Variants in NDRG2 observed in about 807,000 individuals in gnomAD.
NDRG2 encodes the protein protein NDRG2.
NDRG2 carries 34 observed loss-of-function variants against 58.2 expected under a neutral mutation model. The observed-to-expected ratio is 0.58, with a 90% CI of 0.44 to 0.78. The LOEUF (loss-of-function observed/expected upper bound fraction) is 0.78, where lower values mean the gene tolerates loss of function less well. Ranked by LOEUF, NDRG2 falls within the 30% of genes least tolerant of loss-of-function variation. The pLI is 0.00. For missense variants in NDRG2, 434 were observed against 471.2 expected, an observed-to-expected ratio of 0.92 and a Z score of 0.73; for synonymous variants, 187 against 175.9, an observed-to-expected ratio of 1.06 and a Z score of -0.50.
intron 1 of NDRG2, among the ~76,000 whole-genome samples, chr14:21,039,636 G>A (rs918261949): frequency 6.6e-6 from 1 of 152,184 alleles, no homozygotes; most frequent in Non-Finnish European, 1.5e-5. Context: ...GATAATTTGG[G>A]CACACAAACA....
At chr14:21,055,597 G>A (rs189125915) in intron 1 of NDRG2, among the ~76,000 whole-genome samples, 2 of 152,300 alleles carry the variant, frequency 1.3e-5, no homozygotes, top group African/African-American at 4.8e-5. Flanking sequence ...CCAGCTGCAT[G>A]GGCCAGTACC....
At chr14:21,064,980 G>A (rs1191572608) in intron 1 of NDRG2, among the ~76,000 whole-genome samples, 1 of 152,162 alleles carries the variant, frequency 6.6e-6, no homozygotes. Context: ...AGACCAGCCT[G>A]AGCAACATGC....
intron 1 of NDRG2, among the ~76,000 whole-genome samples, chr14:21,065,671 C>G (rs1886226142): frequency 1.3e-5 from 2 of 152,156 alleles, no homozygotes; most frequent in South Asian, 4.1e-4. Flanking sequence ...GACTGTAACA[C>G]TTTAGTTAAG....
intron 1 of NDRG2, chr14:21,032,267 G>A (rs1754340): frequency 0.45 from 308,013 of 686,476 alleles, 72,387 homozygotes; most frequent in East Asian, 0.68. Flanking sequence ...CACACCCTTC[G>A]CTCTGCTTAG....
chr14:21,054,064 C>A (rs571820764), intron 1 of NDRG2, among the ~76,000 whole-genome samples: 1 of 152,136 alleles, frequency 6.6e-6, no homozygotes, highest in South Asian at 2.1e-4. Flanking sequence ...GACCAGAAAC[C>A]CCATATAAAA....
At chr14:21,056,430 T>C (rs914065594) in intron 1 of NDRG2, among the ~76,000 whole-genome samples, 1 of 152,144 alleles carries the variant, frequency 6.6e-6, no homozygotes, top group Non-Finnish European at 1.5e-5. Flanking sequence ...AAAATAAATG[T>C]AATGAATATC....
At chr14:21,056,495 G>A (rs1178557698) in intron 1 of NDRG2, among the ~76,000 whole-genome samples, 1 of 152,212 alleles carries the variant, frequency 6.6e-6, no homozygotes, top group African/African-American at 2.4e-5. Context: ...AACTCAGCCT[G>A]AGGCCTGTTG....
At chr14:21,023,412 G>T in intron 1 of NDRG2, 91 bp from the exon 2 acceptor site, 1 of 1,201,454 alleles carries the variant, frequency 8.3e-7, no homozygotes, top group Non-Finnish European at 1.2e-6. Context: ...ACAGGAAGAT[G>T]CAGGGAACAG....
At chr14:21,066,569 C>T (rs4981354) in intron 1 of NDRG2, among the ~76,000 whole-genome samples, 124,768 of 152,086 alleles carry the variant, frequency 0.82, 51,400 homozygotes, top group Admixed American at 0.88. Flanking sequence ...CTCTTGACCA[C>T]GTGATCCACC....
At position 21,070,690 on chromosome 14, in the gene NDRG2, C is replaced by G. The variant is rs1313583781; in HGVS notation, c.24+138G>C. ...ACACCTCCCCGCTCCCCGCCCTCCT[C>G]TGTCCTGACCTGTGCCTTCCTTTCC... On this transcript the variant is annotated intron_variant, in intron 1 of 14. Transcript: ENST00000403829. The surrounding 1 kb of genome is among the most constrained non-coding windows in gnomAD (Gnocchi z 4.7). The G allele has an allele frequency of 2.3e-5, 24 of 1,026,846 alleles. No homozygotes were observed. Among genetic ancestry groups the G allele is most frequent in the Non-Finnish European group, 3.1e-5 (22 of 704,372 alleles). The allele number at this position is 1,026,846 out of a possible 1,614,324, so 63.6% of individuals were successfully genotyped here.
chr14:21,070,196 A>AGGGCG lies in NDRG2; in HGVS notation c.24+627_24+631dup, dbSNP rs1392003474. 7.3e-6 allele frequency: 2 copies of AGGGCG among 272,454 alleles called. No homozygotes were observed. Among genetic ancestry groups the AGGGCG allele is most frequent in the East Asian group, 8.8e-5 (1 of 11,404 alleles). The allele number at this position is 272,454 out of a possible 1,614,324, so 16.9% of individuals were successfully genotyped here. On this transcript the variant is annotated intron_variant, in intron 1 of 14. Transcript: ENST00000403829. The surrounding 1 kb of genome is among the most constrained non-coding windows in gnomAD (Gnocchi z 4.7). ...GCGCGGAGGCGGGGGCGGGCGCTGAAGGGCGGGGCGGGGAGGGGCGGCCGT... is the reference window on the plus strand; with the variant it reads ...GCGCGGAGGCGGGGGCGGGCGCTGAAGGGCGGGGCGGGGCGGGGAGGGGCGGCCGT...
At chr14:21,018,380 C>G in intron 13 of NDRG2, 77 bp downstream of exon 13, 1 of 1,607,170 alleles carries the variant, frequency 6.2e-7, no homozygotes, top group Non-Finnish European at 8.5e-7. Flanking sequence ...GCTCCCATGC[C>G]GGGCCCTGGA....
At chr14:21,045,939 T>G (rs867403676) in intron 1 of NDRG2, among the ~76,000 whole-genome samples, 2 of 152,182 alleles carry the variant, frequency 1.3e-5, no homozygotes, top group Admixed American at 1.3e-4. Flanking sequence ...CTCATTGAAC[T>G]GTATACTTAA....
rs1877392081 is a variant in NDRG2 at position 21,017,585 on chromosome 14, A to G, written c.*11T>C. 6.2e-7 allele frequency: 1 copy of G among 1,612,018 alleles called. No homozygotes were observed. The highest frequency in any genetic ancestry group is 1.3e-5 in the African/African-American group (1 of 74,928). On this transcript the variant is annotated 3_prime_UTR_variant, in exon 16 of 16. Coordinates refer to ENST00000556147, the MANE Select transcript of NDRG2 (RefSeq NM_001320329.2). ...GAGGGCTGGGTCCCACTCTAGGGCA[A>G]CAAGGGCCATTCAACAGGAGACCTC...
rs1879071200 is a variant in NDRG2, at chr14:21,019,803, GA to G, written c.613-62del. ...AAAGAGAAAACAACAATTACTGGAG[GA>G]AAAGAGGTAAGCCTTCTTCCTTCCC... On this transcript the variant is annotated intron_variant, in intron 9 of 15. Transcript: ENST00000556147. 2.6e-6 allele frequency: 4 copies of G among 1,516,762 alleles called. No individual in the cohort carries two copies. In the African/African-American group the frequency reaches 5.5e-5, roughly 21 times the overall value. 94.0% of individuals were successfully genotyped at this position (1,516,762 alleles called of 1,614,324 possible).
rs199831886 is a variant in NDRG2, at chr14:21,018,278, C to G, written c.862-39G>C. 7.7e-4 allele frequency: 1,243 copies of G among 1,613,304 alleles called. 18 individuals carry two copies. In the South Asian group the frequency reaches 0.013, roughly 17 times the overall value. ...CACCACCCAGAAAAAGTGAAACACA[C>G]ATAAATGAGCCATGCAGAGAGGTGG... On this transcript the variant is annotated intron_variant, in intron 13 of 15. Transcript: ENST00000556147.
At chr14:21,040,986 T>TGTTC (rs1453189835) in intron 1 of NDRG2, among the ~76,000 whole-genome samples, 4 of 151,580 alleles carry the variant, frequency 2.6e-5, no homozygotes, top group Non-Finnish European at 5.9e-5. Context: ...TGTTGTTGTT[T>TGTTC]GTTTGTTTGT....
chr14:21,059,297 G>A (rs1885827914), intron 1 of NDRG2, among the ~76,000 whole-genome samples: 1 of 152,108 alleles, frequency 6.6e-6, no homozygotes. Context: ...ACTAACTGTG[G>A]TAAAGGAGCA....
chr14:21,026,655 C>T (rs924598773), upstream of NDRG2, among the ~76,000 whole-genome samples: 3 of 152,070 alleles, frequency 2.0e-5, no homozygotes, highest in African/African-American at 7.3e-5. Flanking sequence ...CGGGCTAAAA[C>T]CCAGCCTTCA....
Sources: allele counts gnomAD v4.1 joint callset (sites outside exome capture counted in the v4.1 genomes callset), GRCh38; gene constraint gnomAD v4.1.1; non-coding constraint Gnocchi (gnomAD v3.1); transcripts MANE v1.5; gene names NCBI Gene and HGNC (gene_info 2026-07-23, HGNC 2026-07-21).